Variants in CPQ observed in about 807,000 individuals in gnomAD.
CPQ encodes carboxypeptidase Q.
A neutral mutation model predicts 45.7 loss-of-function variants in CPQ; 37 were observed. The observed-to-expected ratio is 0.81, with a 90% CI of 0.62 to 1.07. The LOEUF is 1.07. CPQ is among the 50% of genes least tolerant of loss of function. The pLI is 0.00. For missense variants in CPQ, 537 were observed against 572.9 expected (o/e 0.94, Z 0.64); for synonymous variants, 186 against 205.8 (o/e 0.90, Z 0.82).
intron 6 of CPQ, among the ~76,000 whole-genome samples, chr8:97,062,334 C>A (rs1345613347): frequency 6.6e-6 from 1 of 152,124 alleles, no homozygotes; most frequent in Admixed American, 6.6e-5. Context: ...GAGGGAGAGG[C>A]CATTCACCTG....
intron 3 of CPQ, among the ~76,000 whole-genome samples, chr8:96,878,390 T>A (rs116431787): frequency 0.022 from 3,301 of 152,282 alleles, 106 homozygotes; most frequent in African/African-American, 0.072. Context: ...TTAAAATGCA[T>A]TGAGTGATTA....
At chr8:96,966,098 T>G in intron 5 of CPQ, 52 bp downstream of exon 5, 3 of 1,329,832 alleles carry the variant, frequency 2.3e-6, no homozygotes, top group Non-Finnish European at 3.2e-6. Context: ...AGTGACATGT[T>G]TAACTCAAAA....
At chr8:96,852,142 G>A (rs912062973) in intron 3 of CPQ, among the ~76,000 whole-genome samples, 4 of 152,138 alleles carry the variant, frequency 2.6e-5, no homozygotes, top group African/African-American at 7.2e-5. Context: ...CTGCAGATAC[G>A]CAAACCTCAA....
chr8:96,961,716 G>C (rs1363464798), intron 4 of CPQ, among the ~76,000 whole-genome samples: 1 of 152,138 alleles, frequency 6.6e-6, no homozygotes, highest in Non-Finnish European at 1.5e-5. Flanking sequence ...ATTAAGGCTA[G>C]AATATTTGCT....
chr8:96,685,544 T>G (rs1246607119), intron 1 of CPQ, among the ~76,000 whole-genome samples: 2 of 152,158 alleles, frequency 1.3e-5, no homozygotes, highest in East Asian at 3.8e-4. Flanking sequence ...TAACTATATT[T>G]GTGTCTATTT....
rs574054622 is a variant in CPQ, at chr8:97,133,746, C to T, written c.1256-9274C>T. 8.5e-5 allele frequency among the ~76,000 whole-genome samples: 13 copies of T among 152,276 alleles called. No homozygotes were observed. In the South Asian group the frequency reaches 2.7e-3, roughly 32 times the overall value. ...AAAATTCATTTTCATCTCTTTTAGA[C>T]ATCTTTAAGTTGACATGTAACTTCA... On this transcript the variant is annotated intron_variant, in intron 7 of 7. Transcript: ENST00000220763.
intron 1 of CPQ, among the ~76,000 whole-genome samples, chr8:96,702,402 G>A (rs1338694588): frequency 1.3e-5 from 2 of 152,188 alleles, no homozygotes; most frequent in Non-Finnish European, 2.9e-5. Flanking sequence ...GAGAAAGGGA[G>A]AATAAGAGAG....
intron 6 of CPQ, among the ~76,000 whole-genome samples, chr8:97,054,047 T>A (rs1198129635): frequency 1.3e-5 from 2 of 152,144 alleles, no homozygotes; most frequent in African/African-American, 4.8e-5. Context: ...TTGAACCTGT[T>A]AAGTTTGAGA....
chr8:96,940,952 T>TTA (rs767844925), intron 4 of CPQ, among the ~76,000 whole-genome samples: 1 of 152,166 alleles, frequency 6.6e-6, no homozygotes, highest in Non-Finnish European at 1.5e-5. Flanking sequence ...CCCCAAATCT[T>TTA]GGGAACTGGT....
chr8:97,134,472 G>A (rs1433431009), intron 7 of CPQ, among the ~76,000 whole-genome samples: 7 of 152,232 alleles, frequency 4.6e-5, no homozygotes, highest in Non-Finnish European at 1.0e-4. Context: ...CGGCCACAGC[G>A]ATGGGCTTGG....
At chr8:96,933,993 A>G (rs973422087) in intron 4 of CPQ, among the ~76,000 whole-genome samples, 3 of 152,208 alleles carry the variant, frequency 2.0e-5, no homozygotes, top group Non-Finnish European at 2.9e-5. Context: ...AAGGAACCTA[A>G]CAGTGCCTAG....
chr8:96,649,963 T>C (rs928413132), intron 1 of CPQ, among the ~76,000 whole-genome samples: 3 of 152,194 alleles, frequency 2.0e-5, no homozygotes, highest in Admixed American at 1.3e-4. Context: ...CCAGAGTCAT[T>C]CAAAGGAACA....
At chr8:96,769,831 G>A (rs2130797488) in intron 1 of CPQ, among the ~76,000 whole-genome samples, 1 of 151,898 alleles carries the variant, frequency 6.6e-6, no homozygotes, top group South Asian at 2.1e-4. Context: ...GGGTAGAGAT[G>A]GGGTTTCACC....
intron 3 of CPQ, among the ~76,000 whole-genome samples, chr8:96,859,786 G>A (rs1811903245): frequency 1.3e-5 from 2 of 151,934 alleles, no homozygotes; most frequent in African/African-American, 4.8e-5. Context: ...TGATGTCTGT[G>A]GCTTATTTGG....
At chr8:96,737,744 T>C (rs577865992) in intron 1 of CPQ, among the ~76,000 whole-genome samples, 32 of 152,156 alleles carry the variant, frequency 2.1e-4, no homozygotes, top group African/African-American at 7.2e-4. Flanking sequence ...TTATTAACCA[T>C]CACAGAGGTT....
At chr8:96,942,901 C>T (rs1813142527) in intron 4 of CPQ, among the ~76,000 whole-genome samples, 1 of 152,176 alleles carries the variant, frequency 6.6e-6, no homozygotes, top group Non-Finnish European at 1.5e-5. Flanking sequence ...GCCTTTATTT[C>T]AGGAAATAAC....
chr8:97,127,495 C>T (rs1167225772), intron 7 of CPQ, among the ~76,000 whole-genome samples: 4 of 152,092 alleles, frequency 2.6e-5, no homozygotes, highest in Admixed American at 6.5e-5. Flanking sequence ...TGAGACCAGC[C>T]TGGCCAACAT....
chr8:96,990,535 C>T (rs975176608), intron 5 of CPQ, among the ~76,000 whole-genome samples: 1 of 152,204 alleles, frequency 6.6e-6, no homozygotes, highest in African/African-American at 2.4e-5. Context: ...ACACAGAACT[C>T]AAATGCAGTT....
chr8:96,853,293 G>A (rs1240367894), intron 3 of CPQ, among the ~76,000 whole-genome samples: 2 of 152,242 alleles, frequency 1.3e-5, no homozygotes, highest in African/African-American at 2.4e-5. Flanking sequence ...CCAGGGCGCT[G>A]TGACAGGCTC....
Sources: allele counts gnomAD v4.1 joint callset (sites outside exome capture counted in the v4.1 genomes callset), GRCh38; gene constraint gnomAD v4.1.1; transcripts MANE v1.5; gene names NCBI Gene and HGNC (gene_info 2026-07-23, HGNC 2026-07-21).